IL1RAPL2: variants seen among roughly 807,000 people sequenced by gnomAD.
IL1RAPL2 encodes X-linked interleukin-1 receptor accessory protein-like 2.
A neutral mutation model predicts 44.1 loss-of-function variants in IL1RAPL2; 3 were observed. The observed-to-expected ratio is 0.07, with a 90% CI of 0.03 to 0.18. The LOEUF (loss-of-function observed/expected upper bound fraction) is 0.18. Ranked by LOEUF, IL1RAPL2 falls within the 10% of genes least tolerant of loss-of-function variation. IL1RAPL2 has a pLI of 1.00. For synonymous variants in IL1RAPL2, 181 were observed against 178.8 expected, an observed-to-expected ratio of 1.01 and a Z score of -0.10; for missense variants, 391 against 496.4, an observed-to-expected ratio of 0.79 and a Z score of 2.02.
intron 2 of IL1RAPL2, among the ~76,000 whole-genome samples, chrX:104,858,663 CTGTT>C (rs995625133): frequency 1.8e-5 from 2 of 112,115 alleles, no homozygotes; most frequent in Admixed American, 1.9e-4. Context: ...ACTTGCTTAT[CTGTT>C]TGGTCTTGGT....
At chrX:104,798,252 C>T (rs1374433813) in intron 2 of IL1RAPL2, among the ~76,000 whole-genome samples, 1 of 111,112 alleles carries the variant, frequency 9.0e-6, no homozygotes, top group African/African-American at 3.3e-5. Context: ...AAGGGGGGCT[C>T]CACCTGCATC....
chrX:105,435,803 A>C (rs962590304), intron 5 of IL1RAPL2, among the ~76,000 whole-genome samples: 5 of 111,431 alleles, frequency 4.5e-5, no homozygotes, highest in African/African-American at 1.6e-4. Context: ...CAGAAAACCA[A>C]ACACTGCATG....
At chrX:105,129,919 C>T (rs918351024) in intron 2 of IL1RAPL2, among the ~76,000 whole-genome samples, 10 of 110,608 alleles carry the variant, frequency 9.0e-5, no homozygotes, top group Non-Finnish European at 1.7e-4. Context: ...TTTTCTCATC[C>T]CACCTACGTA....
At chrX:105,098,164 A>G (rs764914248) in intron 2 of IL1RAPL2, among the ~76,000 whole-genome samples, 1 of 112,347 alleles carries the variant, frequency 8.9e-6, no homozygotes, top group East Asian at 2.8e-4. Flanking sequence ...TGTCCTTTTT[A>G]TAGCTGGCCA....
intron 5 of IL1RAPL2, among the ~76,000 whole-genome samples, chrX:105,435,216 A>T (rs747892519): frequency 1.2e-4 from 13 of 111,865 alleles, no homozygotes; most frequent in South Asian, 1.1e-3. Flanking sequence ...TTCCATATGA[A>T]ATTTAAAGTA....
At chrX:105,068,603 G>A (rs1438555883) in intron 2 of IL1RAPL2, among the ~76,000 whole-genome samples, 1 of 111,858 alleles carries the variant, frequency 8.9e-6, no homozygotes, top group Non-Finnish European at 1.9e-5. Context: ...TGGTTAGAAA[G>A]AATGTTGAGC....
rs758283762 is a variant in IL1RAPL2 at position 105,589,832 on chromosome X, G to A, written c.772+105445G>A. Among the ~76,000 whole-genome samples the A allele has an allele frequency of 1.5e-4, 17 of 111,493 alleles. No homozygotes were observed. In the South Asian group the frequency reaches 6.4e-3, roughly 42 times the overall value. On this transcript the variant is annotated intron_variant, in intron 6 of 10. Coordinates refer to ENST00000372582, the MANE Select transcript of IL1RAPL2 (RefSeq NM_017416.2). ...AATATTATGCCTTCAGCTTTGCTCT[G>A]TTTGCTTAGGATTGCTTTAGCTATT...
chrX:104,598,566 A>G (rs910404061), intron 1 of IL1RAPL2, among the ~76,000 whole-genome samples: 1 of 112,048 alleles, frequency 8.9e-6, no homozygotes, highest in Non-Finnish European at 1.9e-5. Flanking sequence ...CTGCCTCACT[A>G]TTCTGAATCC....
chrX:104,696,854 G>A (rs1183820549), intron 2 of IL1RAPL2, among the ~76,000 whole-genome samples: 2 of 112,059 alleles, frequency 1.8e-5, no homozygotes, highest in Non-Finnish European at 3.8e-5. Flanking sequence ...TGGTTTTGAA[G>A]TGAATCTGAC....
At chrX:105,305,456 TTCTC>T (rs1028358280) in intron 5 of IL1RAPL2, among the ~76,000 whole-genome samples, 102 of 111,394 alleles carry the variant, frequency 9.2e-4, no homozygotes, top group African/African-American at 3.2e-3. Flanking sequence ...TTTTCCTTTT[TTCTC>T]TCTATGTCCC....
intron 4 of IL1RAPL2, among the ~76,000 whole-genome samples, chrX:105,241,100 A>T (rs1467357321): frequency 1.8e-5 from 2 of 111,585 alleles, no homozygotes; most frequent in Admixed American, 1.9e-4. Context: ...GGTGCTTCCC[A>T]TGTAACTTAA....
chrX:105,052,634 C>A (rs922965198), intron 2 of IL1RAPL2, among the ~76,000 whole-genome samples: 1 of 110,698 alleles, frequency 9.0e-6, no homozygotes, highest in African/African-American at 3.3e-5. Context: ...TTTTTCAGAG[C>A]CCCTCTCATC....
intron 2 of IL1RAPL2, among the ~76,000 whole-genome samples, chrX:105,013,437 AAG>A (rs1299622791): frequency 9.0e-6 from 1 of 110,581 alleles, no homozygotes; most frequent in African/African-American, 3.3e-5. Flanking sequence ...ACTGCATTGA[AAG>A]AGGTAGCGAT....
chrX:105,378,481 A>G (rs940382472), intron 5 of IL1RAPL2, among the ~76,000 whole-genome samples: 13 of 111,622 alleles, frequency 1.2e-4, no homozygotes, highest in Non-Finnish European at 9.4e-5. Flanking sequence ...TGCTAATACA[A>G]TCATTTAAGC....
At chrX:104,887,040 A>C (rs1923269674) in intron 2 of IL1RAPL2, among the ~76,000 whole-genome samples, 1 of 112,710 alleles carries the variant, frequency 8.9e-6, no homozygotes, top group South Asian at 3.7e-4. Flanking sequence ...AATCTTAGCC[A>C]GAGAGACCAG....
At chrX:104,996,922 C>A (rs1262080319) in intron 2 of IL1RAPL2, among the ~76,000 whole-genome samples, 1 of 111,156 alleles carries the variant, frequency 9.0e-6, no homozygotes, top group Non-Finnish European at 1.9e-5. Context: ...ACCAACATCC[C>A]AGGAAGATGT....
intron 6 of IL1RAPL2, among the ~76,000 whole-genome samples, chrX:105,533,981 T>C (rs185757894): frequency 0.012 from 1,338 of 112,414 alleles, 13 homozygotes; most frequent in Non-Finnish European, 0.02. Flanking sequence ...TATAGAGATA[T>C]AGATTATGGC....
intron 2 of IL1RAPL2, among the ~76,000 whole-genome samples, chrX:104,888,569 C>T (rs1386242615): frequency 9.0e-6 from 1 of 110,743 alleles, no homozygotes; most frequent in Non-Finnish European, 1.9e-5. Flanking sequence ...ATACCTCATA[C>T]AATCACCCCT....
chrX:104,659,329 A>G (rs757516259), intron 2 of IL1RAPL2, among the ~76,000 whole-genome samples: 51 of 111,960 alleles, frequency 4.6e-4, no homozygotes, highest in Non-Finnish European at 7.3e-4. Flanking sequence ...TTAAAAATAT[A>G]CATCCTTTGC....
Sources: gnomAD v4.1 joint callset for allele counts (sites outside exome capture counted in the v4.1 genomes callset) on GRCh38, gnomAD v4.1.1 for gene constraint, MANE v1.5 for transcripts, NCBI Gene and HGNC (gene_info 2026-07-23, HGNC 2026-07-21) for gene names.